CLCN3: variants seen among roughly 807,000 people sequenced by gnomAD.
The protein encoded by CLCN3 is Cl-/H+ antiporter 3.
A neutral mutation model predicts 83.4 loss-of-function variants in CLCN3; 16 were observed. The observed-to-expected ratio is 0.19, with a 90% confidence interval of 0.13 to 0.29. The LOEUF is 0.29. Ranked by LOEUF, CLCN3 falls within the 10% of genes least tolerant of loss-of-function variation. The probability of loss-of-function intolerance (pLI) is 1.00; values close to 1 mark genes in which losing one functional copy is unlikely to be tolerated. For synonymous variants in CLCN3, 322 were observed against 346.2 expected (o/e 0.93, Z 0.78); for missense variants, 544 against 1,006.0 (o/e 0.54, Z 6.21).
intron 2 of CLCN3, chr4:169,660,543 A>C (rs1731019980): frequency 1.2e-6 from 1 of 811,188 alleles, no homozygotes; most frequent in African/African-American, 1.8e-5. Context: ...TTGTCCTTTA[A>C]ATACTGCAGT....
At chr4:169,692,945 T>TG (rs1293392976) in intron 7 of CLCN3, among the ~76,000 whole-genome samples, 1 of 152,244 alleles carries the variant, frequency 6.6e-6, no homozygotes, top group Non-Finnish European at 1.5e-5. Flanking sequence ...GGATTTCCTC[T>TG]GATGTTTCCA....
chr4:169,622,342 C>G (rs1024844884), intron 1 of CLCN3, among the ~76,000 whole-genome samples: 1 of 151,964 alleles, frequency 6.6e-6, no homozygotes, highest in African/African-American at 2.4e-5. Context: ...TGGCTATTTT[C>G]CAGGTCATGT....
chr4:169,680,190 A>G lies in CLCN3; in HGVS notation c.301A>G (p.Arg101Gly). 1 of 1,613,772 alleles carries G rather than the reference A, an allele frequency of 6.2e-7. No homozygotes were observed. The highest frequency in any genetic ancestry group is 8.5e-7 in the Non-Finnish European group (1 of 1,179,770). The change falls in exon 3 of 13, where the codon AGA (arginine) becomes GGA (glycine). Residue 101 changes from arginine to glycine, a missense_variant. Physicochemically the swap from Arg to Gly is moderately radical, Grantham distance 125. Transcript: ENST00000513761. ...TTGGGTGCGAGAAAAATGTAAAGACAGAGAAAGGCATAGACGGGTAAGTGT... is the reference window on the plus strand; with the variant it reads ...TTGGGTGCGAGAAAAATGTAAAGACGGAGAAAGGCATAGACGGGTAAGTGT... ...IDWVREKCKDRERHRRINSKK... is the reference protein window; with the variant it reads ...IDWVREKCKDGERHRRINSKK...
chr4:169,719,700 C>T (rs1338730617), intron 12 of CLCN3, among the ~76,000 whole-genome samples: 1 of 151,294 alleles, frequency 6.6e-6, no homozygotes, highest in African/African-American at 2.4e-5. Flanking sequence ...GGCTGTCATA[C>T]TATTAGTGAC....
Position 169,667,690 on chromosome 4 carries a change from G to A in CLCN3, c.161-12360G>A, listed in dbSNP as rs184069431. ...AATTAAGTTATCTGTTAAAAATACA[G>A]GATTTTTGCTCAATATACAGTTGTA... On this transcript the variant is annotated intron_variant, in intron 2 of 12. Transcript: ENST00000513761. Among the ~76,000 whole-genome samples the A allele has an allele frequency of 6.6e-5, 10 of 151,696 alleles. No individual in the cohort carries two copies. In the East Asian group the frequency reaches 1.9e-3, roughly 29 times the overall value.
intron 10 of CLCN3, among the ~76,000 whole-genome samples, chr4:169,705,894 G>A (rs73864758): frequency 0.029 from 4,345 of 152,168 alleles, 71 homozygotes; most frequent in African/African-American, 0.048. Flanking sequence ...AGCCAGGCAC[G>A]ATGGCACATG....
intron 9 of CLCN3, among the ~76,000 whole-genome samples, chr4:169,699,692 G>A (rs1245218298): frequency 6.6e-6 from 1 of 152,028 alleles, no homozygotes; most frequent in African/African-American, 2.4e-5. Context: ...GACCATCCTG[G>A]CTAATGCGGT....
At chr4:169,703,226 C>G (rs1238560029) in intron 9 of CLCN3, among the ~76,000 whole-genome samples, 1 of 152,226 alleles carries the variant, frequency 6.6e-6, no homozygotes, top group Non-Finnish European at 1.5e-5. Flanking sequence ...AAAAGTAGTG[C>G]TGATGGACTA....
At chr4:169,633,273 A>G (rs1041300779) in intron 1 of CLCN3, among the ~76,000 whole-genome samples, 2 of 152,142 alleles carry the variant, frequency 1.3e-5, no homozygotes, top group African/African-American at 4.8e-5. Context: ...GGCCTCCCAA[A>G]GTGCTGGAAC....
intron 2 of CLCN3, chr4:169,642,824 C>T (rs1730455507): frequency 6.6e-6 from 1 of 152,226 alleles, no homozygotes; most frequent in African/African-American, 2.4e-5. Flanking sequence ...TGCCCGTCCT[C>T]ACAGGGCTTT....
chr4:169,658,385 T>C (rs1730948321), intron 2 of CLCN3, among the ~76,000 whole-genome samples: 1 of 152,086 alleles, frequency 6.6e-6, no homozygotes, highest in Admixed American at 6.6e-5. Context: ...TTTCATTCTT[T>C]ATGATCAAGT....
At chr4:169,623,580 G>A (rs1030319290) in intron 1 of CLCN3, among the ~76,000 whole-genome samples, 7 of 152,044 alleles carry the variant, frequency 4.6e-5, no homozygotes, top group African/African-American at 1.7e-4. Flanking sequence ...ATTAATTATA[G>A]TCACCGTGGC....
chr4:169,668,762 C>G (rs1248816128), intron 2 of CLCN3, among the ~76,000 whole-genome samples: 2 of 149,380 alleles, frequency 1.3e-5, no homozygotes, highest in African/African-American at 4.9e-5. Flanking sequence ...AACTTGGAAG[C>G]TACTAACTTT....
At chr4:169,695,011 T>C (rs192080213) in intron 7 of CLCN3, among the ~76,000 whole-genome samples, 5 of 152,262 alleles carry the variant, frequency 3.3e-5, no homozygotes, top group African/African-American at 1.2e-4. Context: ...GATTTTTCTT[T>C]TCCTTTAATT....
chr4:169,632,121 C>G (rs1326416321), intron 1 of CLCN3, among the ~76,000 whole-genome samples: 2 of 152,118 alleles, frequency 1.3e-5, no homozygotes, highest in Non-Finnish European at 1.5e-5. Context: ...AAGTACAGGT[C>G]AATATCCCTG....
chr4:169,702,795 AAAG>A (rs768271421), intron 9 of CLCN3: 2 of 300,256 alleles, frequency 6.7e-6, no homozygotes, highest in Non-Finnish European at 1.3e-5. Flanking sequence ...AAAAAAAAAA[AAAG>A]AAAGCCAGGT....
intron 2 of CLCN3, among the ~76,000 whole-genome samples, chr4:169,671,983 G>A (rs756671217): frequency 2.6e-5 from 4 of 151,930 alleles, no homozygotes; most frequent in Non-Finnish European, 5.9e-5. Context: ...AGGCCGAGGC[G>A]GGCAGATCAC....
Position 169,719,944 on chromosome 4 carries a change from C to G in CLCN3, c.2404C>G (p.Arg802Gly). The G allele has an allele frequency of 6.2e-7, 1 of 1,613,770 alleles. No homozygotes were observed. The highest frequency in any genetic ancestry group is 8.5e-7 in the Non-Finnish European group (1 of 1,179,854). ...CATTATAACAAAAAAAGATATCCTCCGGCATATGGCCCAGACGGCAAACCA... is the reference window on the plus strand; with the variant it reads ...CATTATAACAAAAAAAGATATCCTCGGGCATATGGCCCAGACGGCAAACCA... ...LGIITKKDILRHMAQTANQDP... is the reference protein window; with the variant it reads ...LGIITKKDILGHMAQTANQDP... Residue 802 changes from arginine (R) to glycine (G), a missense_variant, in exon 13 of 13, where the codon CGG becomes GGG. Transcript: ENST00000513761.
intron 3 of CLCN3, among the ~76,000 whole-genome samples, chr4:169,682,426 A>G (rs1483229791): frequency 1.3e-5 from 2 of 152,208 alleles, no homozygotes; most frequent in African/African-American, 4.8e-5. Context: ...ACTTGGTTTC[A>G]TTATTGAGAA....
Sources: gnomAD v4.1 joint callset for allele counts (sites outside exome capture counted in the v4.1 genomes callset) on GRCh38, gnomAD v4.1.1 for gene constraint, MANE v1.5 for transcripts, NCBI Gene and HGNC (gene_info 2026-07-23, HGNC 2026-07-21) for gene names.